Variants in DMD observed in about 807,000 individuals in gnomAD.
DMD encodes the protein mutant dystrophin.
In DMD, 63 loss-of-function variants were observed where a neutral mutation model predicts 330.1. The ratio of observed to expected loss-of-function variants is 0.19; its 90% CI spans 0.16 to 0.24. DMD has a LOEUF of 0.24. DMD is among the 10% of genes least tolerant of loss of function. DMD has a pLI of 1.00. For synonymous variants in DMD, 1,223 were observed against 959.8 expected (o/e 1.27, Z -5.07); for missense variants, 3,344 against 2,684.1 (o/e 1.25, Z -5.43).
intron 50 of DMD, among the ~76,000 whole-genome samples, chrX:31,796,934 T>C (rs2091859848): frequency 9.0e-6 from 1 of 111,402 alleles, no homozygotes; most frequent in Admixed American, 9.6e-5. Context: ...CCCTTTGCCC[T>C]TCACCATGAA....
chrX:32,708,506 A>G (rs2064891721), intron 7 of DMD, among the ~76,000 whole-genome samples: 1 of 111,371 alleles, frequency 9.0e-6, no homozygotes, highest in African/African-American at 3.3e-5. Flanking sequence ...AGAGAAAATG[A>G]ATGCAAAGTA....
chrX:32,412,073 G>C (rs367741501), intron 29 of DMD, 160 bp from the exon 30 acceptor site: 11 of 1,175,717 alleles, frequency 9.4e-6, no homozygotes, highest in Non-Finnish European at 1.1e-5. Context: ...TCTGTTGATA[G>C]AAAAAAAATG....
chrX:31,543,680 C>T (rs1225127017), intron 55 of DMD, among the ~76,000 whole-genome samples: 1 of 111,908 alleles, frequency 8.9e-6, no homozygotes, highest in Non-Finnish European at 1.9e-5. Flanking sequence ...ATGAAACATA[C>T]TTAAAGAGCT....
At chrX:31,546,308 C>T (rs2073929263) in intron 55 of DMD, among the ~76,000 whole-genome samples, 1 of 112,220 alleles carries the variant, frequency 8.9e-6, no homozygotes, top group Non-Finnish European at 1.9e-5. Context: ...TAGCAACCAG[C>T]TTAGATCCCT....
chrX:32,716,754 A>G (rs1461927951), intron 7 of DMD, among the ~76,000 whole-genome samples: 1 of 111,289 alleles, frequency 9.0e-6, no homozygotes, highest in African/African-American at 3.3e-5. Context: ...AATGAGATCC[A>G]GGCTGAGGTG....
At chrX:31,404,958 A>G (rs1169343777) in intron 60 of DMD, among the ~76,000 whole-genome samples, 2 of 112,193 alleles carry the variant, frequency 1.8e-5, no homozygotes, top group South Asian at 3.7e-4. Flanking sequence ...CAAAATACCA[A>G]TGAAATACAG....
intron 1 of DMD, among the ~76,000 whole-genome samples, chrX:33,271,031 T>C (rs1048146310): frequency 1.8e-5 from 2 of 111,744 alleles, no homozygotes; most frequent in Non-Finnish European, 3.8e-5. Flanking sequence ...AAAGGTGTTA[T>C]TTGTGGCAAT....
chrX:33,309,541 T>C (rs2148946541), intron 1 of DMD, among the ~76,000 whole-genome samples: 1 of 111,588 alleles, frequency 9.0e-6, no homozygotes, highest in South Asian at 3.7e-4. Context: ...GTGTATACCA[T>C]ATCTATCTTT....
intron 64 of DMD, among the ~76,000 whole-genome samples, chrX:31,218,565 G>A (rs958052803): frequency 9.0e-6 from 1 of 111,450 alleles, no homozygotes; most frequent in Non-Finnish European, 1.9e-5. Flanking sequence ...GATAACTTCG[G>A]GCTATAAGGA....
chrX:32,622,764 G>GC (rs754550981), intron 11 of DMD, among the ~76,000 whole-genome samples: 148 of 111,063 alleles, frequency 1.3e-3, no homozygotes, highest in Non-Finnish European at 2.4e-3. Context: ...TGGATTTGGT[G>GC]CCCCCCGGGG....
At chrX:31,763,250 A>G (rs973714725) in intron 51 of DMD, among the ~76,000 whole-genome samples, 1 of 112,818 alleles carries the variant, frequency 8.9e-6, no homozygotes, top group Admixed American at 9.4e-5. Context: ...TTTGGACTGA[A>G]TCATTGATGA....
intron 16 of DMD, among the ~76,000 whole-genome samples, chrX:32,547,904 T>A (rs1442048443): frequency 2.7e-5 from 3 of 111,794 alleles, no homozygotes; most frequent in Non-Finnish European, 5.7e-5. Context: ...TGTTTTGAGT[T>A]CTGAATGAAA....
chrX:33,116,424 A>G (rs1447658047), intron 1 of DMD, among the ~76,000 whole-genome samples: 1 of 110,574 alleles, frequency 9.0e-6, no homozygotes, highest in Non-Finnish European at 1.9e-5. Flanking sequence ...TGGGAGGATC[A>G]CTTGAACTCA....
chrX:31,690,927 C>T (rs1239428549), intron 52 of DMD, among the ~76,000 whole-genome samples: 1 of 109,639 alleles, frequency 9.1e-6, no homozygotes, highest in African/African-American at 3.3e-5. Context: ...ATGAGAACAC[C>T]TGGACGCAGG....
intron 9 of DMD, among the ~76,000 whole-genome samples, chrX:32,672,913 G>A (rs1205050646): frequency 9.0e-6 from 1 of 110,789 alleles, no homozygotes; most frequent in Non-Finnish European, 1.9e-5. Flanking sequence ...CCAGAATCCT[G>A]CCATTCCTTT....
At chrX:31,564,256 A>G (rs759442018) in intron 55 of DMD, among the ~76,000 whole-genome samples, 1 of 111,979 alleles carries the variant, frequency 8.9e-6, no homozygotes, top group South Asian at 3.7e-4. Context: ...GTATTTCACT[A>G]TTGCAGTCAT....
intron 44 of DMD, among the ~76,000 whole-genome samples, chrX:32,032,051 G>A (rs955393072): frequency 9.0e-6 from 1 of 111,393 alleles, no homozygotes; most frequent in Non-Finnish European, 1.9e-5. Flanking sequence ...TCTCTTATGA[G>A]CTACATATTT....
rs770298921 is a variant in DMD, at chrX:31,121,830, C to T, written c.*89G>A. The T allele has an allele frequency of 8.5e-6, 10 of 1,172,958 alleles. No individual in the cohort carries two copies. In the Admixed American group the frequency reaches 1.1e-4, roughly 13 times the overall value. ...CATGCGGGAATCAGGAGTTGTAAAA[C>T]ATTTATTCTGCTCCTTCTTCATCTG... On this transcript the variant is annotated 3_prime_UTR_variant, in exon 79 of 79. Transcript: ENST00000357033.
At chrX:33,333,597 A>T (rs1458374936) in intron 1 of DMD, among the ~76,000 whole-genome samples, 26 of 111,150 alleles carry the variant, frequency 2.3e-4, no homozygotes, top group African/African-American at 7.8e-4. Context: ...CCTAGAAAAA[A>T]AATGTGGGGA....
Sources: gnomAD v4.1 joint callset for allele counts (sites outside exome capture counted in the v4.1 genomes callset) on GRCh38, gnomAD v4.1.1 for gene constraint, MANE v1.5 for transcripts, NCBI Gene and HGNC (gene_info 2026-07-23, HGNC 2026-07-21) for gene names.